ZNF462: variants seen among roughly 807,000 people sequenced by gnomAD.
ZNF462 encodes zinc finger PBX1-interacting protein.
A neutral mutation model predicts 201.9 loss-of-function variants in ZNF462; 10 were observed. That is an observed-to-expected ratio of 0.05 (90% CI 0.03 to 0.08). The LOEUF is 0.08. ZNF462 is among the 10% of genes least tolerant of loss of function. The probability of loss-of-function intolerance (pLI) is 1.00; values close to 1 mark genes in which losing one functional copy is unlikely to be tolerated. For synonymous variants in ZNF462, 1,227 were observed against 1,193.3 expected (o/e 1.03, Z -0.58); for missense variants, 2,523 against 3,168.3 (o/e 0.80, Z 4.89).
intron 10 of ZNF462, among the ~76,000 whole-genome samples, chr9:106,985,887 C>T (rs1281919851): frequency 2.0e-5 from 3 of 152,046 alleles, no homozygotes; most frequent in Non-Finnish European, 4.4e-5. Context: ...TGTGTCTGCC[C>T]GAGAAAATGA....
chr9:106,967,704 G>A (rs116729936), intron 7 of ZNF462, among the ~76,000 whole-genome samples: 4 of 152,126 alleles, frequency 2.6e-5, no homozygotes, highest in African/African-American at 9.7e-5. Flanking sequence ...GTTATTATTT[G>A]AGGACAATTT....
At chr9:107,002,150 C>T (rs143059781) in intron 10 of ZNF462, among the ~76,000 whole-genome samples, 1 of 152,278 alleles carries the variant, frequency 6.6e-6, no homozygotes, top group Non-Finnish European at 1.5e-5. Flanking sequence ...TATCTCTTTC[C>T]TCTCCTGTGT....
chr9:106,863,005 GAGAC>G, upstream of ZNF462: 1 of 396,806 alleles, frequency 2.5e-6, no homozygotes, highest in Admixed American at 4.4e-5. Flanking sequence ...TATTCAGAGA[GAGAC>G]ACAGAGGGAG....
At chr9:106,945,324 A>G (rs939154169) in intron 7 of ZNF462, among the ~76,000 whole-genome samples, 3 of 152,214 alleles carry the variant, frequency 2.0e-5, no homozygotes, top group Non-Finnish European at 4.4e-5. Flanking sequence ...GGCTGCAGCA[A>G]TGCTTGACAA....
chr9:106,932,815 C>T lies in ZNF462; in HGVS notation c.6116+266C>T. On this transcript the variant is annotated intron_variant, in intron 5 of 12. Transcript: ENST00000277225. This position sits in a 1 kb window ranked among gnomAD's most constrained non-coding sequence, Gnocchi z 6.8. ...TATGATTTACCCAAAGGTAAAATGG[C>T]ATCTGTGGAGAGTAGATGAGTCTCC... 1.7e-6 allele frequency: 1 copy of T among 575,246 alleles called. No individual in the cohort carries two copies. The highest frequency in any genetic ancestry group is 3.1e-6 in the Non-Finnish European group (1 of 323,648). 35.6% of individuals were successfully genotyped at this position (575,246 alleles called of 1,614,324 possible). A position where few individuals can be genotyped will look rare whatever the true frequency, so the allele number is the denominator to read the frequency against.
In ZNF462 at chr9:106,927,528, A is replaced by C; in HGVS notation, c.3616A>C (p.Lys1206Gln). The C allele has an allele frequency of 6.2e-7, 1 of 1,613,824 alleles. No individual in the cohort carries two copies. Residue 1206 changes from lysine to glutamine, a missense_variant, in exon 3 of 13, where the codon AAA becomes CAA. By Grantham distance (53) the Lys-to-Gln change is moderately conservative. Coordinates refer to ENST00000277225, the MANE Select transcript of ZNF462 (RefSeq NM_021224.6). Reference protein sequence around the residue: ...QHCDYGNRTVKGVLIHYQKKH... With the variant: ...QHCDYGNRTVQGVLIHYQKKH... ...CTGTGATTATGGGAACCGGACGGTCAAAGGGGTACTCATTCATTATCAGAA... is the reference window on the plus strand; with the variant it reads ...CTGTGATTATGGGAACCGGACGGTCCAAGGGGTACTCATTCATTATCAGAA...
Position 106,864,102 on chromosome 9 carries a change from CT to C in ZNF462, c.-31+748del, listed in dbSNP as rs1564062801. Among the ~76,000 whole-genome samples the C allele has an allele frequency of 8.2e-4, 102 of 123,676 alleles. 6 individuals are homozygous for C. Among genetic ancestry groups the C allele is most frequent in the Non-Finnish European group, 9.8e-4 (55 of 55,954 alleles). 81.1% of individuals were successfully genotyped at this position (123,676 alleles called of 152,430 possible). On this transcript the variant is annotated intron_variant, in intron 1 of 12. Transcript: ENST00000277225. The stretch of plus-strand genomic sequence containing the variant: ...TCTCTCTCTCTCTCTCTCTCTCTCT[CT>C]CTCTCTCCCTCTCCCCGAAGTTGGG...
At position 106,920,447 on chromosome 9, in the gene ZNF462, CT is replaced by C. The variant is rs1829945897; in HGVS notation, c.-30-2905del. Among the ~76,000 whole-genome samples, 1 of 152,192 alleles carries C rather than the reference CT, an allele frequency of 6.6e-6. No homozygotes were observed. The highest frequency in any genetic ancestry group is 2.4e-5 in the African/African-American group (1 of 41,436). ...AGTAGGCTACATCCTCCTTTCAGTA[CT>C]TGGTGCAGACATGAAATTGAAGGCC... On this transcript the variant is annotated intron_variant, in intron 1 of 12. Transcript: ENST00000277225. This position sits in a 1 kb window ranked among gnomAD's most constrained non-coding sequence, Gnocchi z 4.3.
In ZNF462 at chr9:106,929,884, A is replaced by C; in HGVS notation, c.5847+125A>C. ...GTGACTTAGCTTGCCAGAGAGCTCAATAAGTCAATTAAACATTTCGAGCTT... is the reference window on the plus strand; with the variant it reads ...GTGACTTAGCTTGCCAGAGAGCTCACTAAGTCAATTAAACATTTCGAGCTT... On this transcript the variant is annotated intron_variant, in intron 3 of 12. Transcript: ENST00000277225. This position sits in a 1 kb window ranked among gnomAD's most constrained non-coding sequence, Gnocchi z 8.7. 1.2e-6 allele frequency: 1 copy of C among 825,180 alleles called. No individual in the cohort carries two copies. Among genetic ancestry groups the C allele is most frequent in the Non-Finnish European group, 1.9e-6 (1 of 529,294 alleles). The allele number at this position is 825,180 out of a possible 1,614,324, so 51.1% of individuals were successfully genotyped here.
intron 1 of ZNF462, among the ~76,000 whole-genome samples, chr9:106,882,939 A>G (rs1293731020): frequency 2.0e-5 from 3 of 152,230 alleles, no homozygotes; most frequent in Non-Finnish European, 4.4e-5. Context: ...CTATCAATTT[A>G]ACAAAATTGG....
chr9:106,988,785 A>AT (rs577885175), intron 10 of ZNF462, among the ~76,000 whole-genome samples: 352 of 151,576 alleles, frequency 2.3e-3, no homozygotes, highest in Middle Eastern at 6.8e-3. Flanking sequence ...TAAGTACTTT[A>AT]TTTTTTTGCG....
In ZNF462 at chr9:106,984,450, TG is replaced by T; in HGVS notation, c.7056+45del. 1.3e-6 allele frequency: 2 copies of T among 1,546,592 alleles called. No homozygotes were observed. The highest frequency in any genetic ancestry group is 1.8e-6 in the Non-Finnish European group (2 of 1,135,486). On this transcript the variant is annotated intron_variant, in intron 10 of 12. Coordinates refer to ENST00000277225, the MANE Select transcript of ZNF462 (RefSeq NM_021224.6). The surrounding 1 kb of genome is among the most constrained non-coding windows in gnomAD (Gnocchi z 6.4). ...TCCTGCTCCCGCCTCAGCACACTTG[TG>T]GGGAGGGGCCAAGGGGGAGACACCA... is the stretch of plus-strand genomic sequence containing the variant.
chr9:106,864,052 CTCT>C (rs1827186109), intron 1 of ZNF462, among the ~76,000 whole-genome samples: 2 of 55,996 alleles, frequency 3.6e-5, no homozygotes, highest in South Asian at 8.8e-4. Context: ...CTCTCTCTCT[CTCT>C]CTCTCTCTCT....
At position 106,902,688 on chromosome 9, in the gene ZNF462, A is replaced by G. The variant is rs1829112844; in HGVS notation, c.-30-20666A>G. ...TTCCAGGAATTTATCCATCTCTCCT[A>G]GGTTTTCTAGTTTATGTGCATAAAG... is the stretch of plus-strand genomic sequence containing the variant. On this transcript the variant is annotated intron_variant, in intron 1 of 12. Transcript: ENST00000277225. This position sits in a 1 kb window ranked among gnomAD's most constrained non-coding sequence, Gnocchi z 4.2. Among the ~76,000 whole-genome samples, 1 of 151,998 alleles carries G rather than the reference A, an allele frequency of 6.6e-6. No individual in the cohort carries two copies. Among genetic ancestry groups the G allele is most frequent in the Non-Finnish European group, 1.5e-5 (1 of 68,000 alleles).
intron 10 of ZNF462, among the ~76,000 whole-genome samples, chr9:107,002,338 A>C (rs1829247455): frequency 6.6e-6 from 1 of 152,146 alleles, no homozygotes; most frequent in Non-Finnish European, 1.5e-5. Context: ...GCCTCCAACA[A>C]GGGGAGCATA....
intron 1 of ZNF462, among the ~76,000 whole-genome samples, chr9:106,866,257 A>G (rs2130780974): frequency 6.6e-6 from 1 of 152,330 alleles, no homozygotes; most frequent in African/African-American, 2.4e-5. Flanking sequence ...TTTTTTGTGT[A>G]AAGTTCCTTA....
chr9:106,967,736 T>C (rs1398098508), intron 7 of ZNF462, among the ~76,000 whole-genome samples: 2 of 152,296 alleles, frequency 1.3e-5, no homozygotes, highest in Non-Finnish European at 1.5e-5. Flanking sequence ...AACTAAAGCA[T>C]GACATTTAGA....
At chr9:106,891,897 G>A (rs751572422) in intron 1 of ZNF462, among the ~76,000 whole-genome samples, 1 of 152,088 alleles carries the variant, frequency 6.6e-6, no homozygotes, top group Non-Finnish European at 1.5e-5. Flanking sequence ...TAATAATAAT[G>A]TTTAGCTTTC....
rs1830740667 is a variant in ZNF462, at chr9:106,938,811, G to A, written c.6236-105G>A. On this transcript the variant is annotated intron_variant, in intron 6 of 12. Transcript: ENST00000277225. This position sits in a 1 kb window ranked among gnomAD's most constrained non-coding sequence, Gnocchi z 4.4. ...GTTCATAGAACATGAAGCTTGAGATGCGCTTCTCTAGCATGAGTTAACTGA... is the reference window on the plus strand; with the variant it reads ...GTTCATAGAACATGAAGCTTGAGATACGCTTCTCTAGCATGAGTTAACTGA... 8.2e-7 allele frequency: 1 copy of A among 1,213,744 alleles called. No homozygotes were observed. The highest frequency in any genetic ancestry group is 1.1e-6 in the Non-Finnish European group (1 of 877,032). 75.2% of individuals were successfully genotyped at this position (1,213,744 alleles called of 1,614,324 possible).
Sources: gnomAD v4.1 joint callset for allele counts (sites outside exome capture counted in the v4.1 genomes callset) on GRCh38, gnomAD v4.1.1 for gene constraint, Gnocchi (gnomAD v3.1) non-coding constraint, MANE v1.5 for transcripts, NCBI Gene and HGNC (gene_info 2026-07-23, HGNC 2026-07-21) for gene names.